Variants in RHOU observed in about 807,000 individuals in gnomAD.
RHOU encodes the protein rho-related GTP-binding protein RhoU.
RHOU carries 8 observed loss-of-function variants against 12.6 expected under a neutral mutation model. The observed-to-expected ratio is 0.64, with a 90% CI of 0.37 to 1.15. The LOEUF (loss-of-function observed/expected upper bound fraction) is 1.15. Ranked by LOEUF, RHOU falls within the 50% of genes most tolerant of loss-of-function variation. RHOU has a pLI of 0.01. For synonymous variants in RHOU, 161 were observed against 147.4 expected (o/e 1.09, Z -0.67); for missense variants, 258 against 347.0 (o/e 0.74, Z 2.04).
At chr1:228,656,279 G>C in the RHOU span, among the ~76,000 whole-genome samples, 1 of 152,040 alleles carries the variant, frequency 6.6e-6, no homozygotes, top group African/African-American at 2.4e-5. Context: ...ACAGCCTCCT[G>C]AGTAGCCGGG....
chr1:228,698,055 T>C, the RHOU span, among the ~76,000 whole-genome samples: 2 of 152,238 alleles, frequency 1.3e-5, no homozygotes, highest in South Asian at 4.1e-4. Flanking sequence ...TGGTAGAACA[T>C]GCATAACATA....
At chr1:228,654,957 A>T in the RHOU span, among the ~76,000 whole-genome samples, 2 of 152,212 alleles carry the variant, frequency 1.3e-5, no homozygotes. Flanking sequence ...ACCCAAATAC[A>T]CAAAATAAAA....
chr1:228,678,905 T>C, the RHOU span, among the ~76,000 whole-genome samples: 1 of 152,110 alleles, frequency 6.6e-6, no homozygotes, highest in African/African-American at 2.4e-5. Flanking sequence ...AGGGCTAGGC[T>C]AAAACAGTAA....
the RHOU span, among the ~76,000 whole-genome samples, chr1:228,647,573 C>A: frequency 6.6e-6 from 1 of 152,220 alleles, no homozygotes; most frequent in Non-Finnish European, 1.5e-5. Context: ...CCTGCCCGCC[C>A]CTTCCCCCGG....
At chr1:228,662,482 C>T in the RHOU span, among the ~76,000 whole-genome samples, 1 of 152,118 alleles carries the variant, frequency 6.6e-6, no homozygotes, top group African/African-American at 2.4e-5. Flanking sequence ...ACATATACAC[C>T]ATGGAATACT....
At chr1:228,698,424 A>G in the RHOU span, among the ~76,000 whole-genome samples, 1 of 152,240 alleles carries the variant, frequency 6.6e-6, no homozygotes, top group Admixed American at 6.5e-5. Flanking sequence ...TCTATGTGTA[A>G]CCAGAAGTGT....
the RHOU span, chr1:228,650,974 C>G: frequency 2.9e-6 from 1 of 343,262 alleles, no homozygotes; most frequent in South Asian, 2.8e-5. Context: ...ACTTCATTGA[C>G]TGTGTCAGAG....
At chr1:228,717,865 A>AAT in the RHOU span, among the ~76,000 whole-genome samples, 1 of 152,176 alleles carries the variant, frequency 6.6e-6, no homozygotes, top group African/African-American at 2.4e-5. Context: ...TTAATTCAAG[A>AAT]TCAGAAGAAC....
chr1:228,699,543 A>G, the RHOU span, among the ~76,000 whole-genome samples: 1 of 150,672 alleles, frequency 6.6e-6, no homozygotes, highest in South Asian at 2.1e-4. Flanking sequence ...TTAGAAGCAT[A>G]GGCCTTCAAG....
the RHOU span, among the ~76,000 whole-genome samples, chr1:228,673,059 A>G: frequency 1.3e-5 from 2 of 152,206 alleles, no homozygotes; most frequent in African/African-American, 4.8e-5. Context: ...AAAAATTCAT[A>G]TTGAAATATA....
rs866894773 is a variant in RHOU at position 228,735,714 on chromosome 1, C to T, written c.-29C>T. The stretch of plus-strand genomic sequence containing the variant: ...GCGGTCGGGCCGGGCCCTGCTAGCC[C>T]GCGACCGCAAGCCCGCGCTCGCGGA... On this transcript the variant is annotated 5_prime_UTR_variant, in exon 1 of 3. Coordinates refer to ENST00000366691, the MANE Select transcript of RHOU (RefSeq NM_021205.6). This position sits in a 1 kb window ranked among gnomAD's most constrained non-coding sequence, Gnocchi z 8.1. 2 of 1,199,384 alleles carry T rather than the reference C, an allele frequency of 1.7e-6. No homozygotes were observed. The highest frequency in any genetic ancestry group is 2.1e-6 in the Non-Finnish European group (2 of 967,444). 74.3% of individuals were successfully genotyped at this position (1,199,384 alleles called of 1,614,324 possible).
chr1:228,650,798 C>T, the RHOU span: 1 of 426,912 alleles, frequency 2.3e-6, no homozygotes. Context: ...AGGTGCCTAC[C>T]ATGCATCCAA....
the RHOU span, among the ~76,000 whole-genome samples, chr1:228,698,754 A>G: frequency 1.3e-5 from 2 of 152,346 alleles, no homozygotes; most frequent in Admixed American, 6.5e-5. Flanking sequence ...TGAAGTAATG[A>G]AAGTACCATT....
chr1:228,647,362 G>A, the RHOU span, among the ~76,000 whole-genome samples: 1 of 152,208 alleles, frequency 6.6e-6, no homozygotes, highest in South Asian at 2.1e-4. Context: ...GGCGGGAGCC[G>A]TGGTACCGGG....
In RHOU at chr1:228,738,310, G is replaced by A. The variant is rs1303609439; in HGVS notation, c.321+579G>A. 6.6e-6 allele frequency among the ~76,000 whole-genome samples: 1 copy of A among 152,188 alleles called. No individual in the cohort carries two copies. The highest frequency in any genetic ancestry group is 2.1e-4 in the South Asian group (1 of 4,834). ...GGCTTATTCTATCCAAACTGTGAAC[G>A]CTGGTTCTTGTCTCGAGGGCTGGGC... On this transcript the variant is annotated intron_variant, in intron 2 of 2. Coordinates refer to ENST00000366691, the MANE Select transcript of RHOU (RefSeq NM_021205.6). The surrounding 1 kb of genome is among the most constrained non-coding windows in gnomAD (Gnocchi z 4.2).
At chr1:228,664,589 C>A in the RHOU span, among the ~76,000 whole-genome samples, 2 of 152,040 alleles carry the variant, frequency 1.3e-5, no homozygotes, top group African/African-American at 2.4e-5. Flanking sequence ...GCAGCATTAC[C>A]CCACAGAGCC....
the RHOU span, among the ~76,000 whole-genome samples, chr1:228,682,596 A>AG: frequency 2.9e-4 from 44 of 152,240 alleles, no homozygotes; most frequent in African/African-American, 9.9e-4. Flanking sequence ...AATCTTCTCA[A>AG]GGGTGGGGGA....
chr1:228,737,543 A>T lies in RHOU; in HGVS notation c.263-130A>T. 1.1e-6 allele frequency: 1 copy of T among 887,492 alleles called. No homozygotes were observed. The highest frequency in any genetic ancestry group is 1.8e-6 in the Non-Finnish European group (1 of 549,700). The allele number at this position is 887,492 out of a possible 1,614,324, so 55.0% of individuals were successfully genotyped here. The stretch of plus-strand genomic sequence containing the variant: ...GCCTCCTTGTTTTTGGCTAGTCTTT[A>T]ATTCATTAGAGGACCTAAAATAGGA... On this transcript the variant is annotated intron_variant, in intron 1 of 2. Coordinates refer to ENST00000366691, the MANE Select transcript of RHOU (RefSeq NM_021205.6). This position sits in a 1 kb window ranked among gnomAD's most constrained non-coding sequence, Gnocchi z 4.1.
Position 228,743,366 on chromosome 1 carries a change from TC to T in RHOU, c.405del (p.Phe136SerfsTer23). On this transcript the variant is annotated frameshift_variant, in exon 3 of 3. Transcript: ENST00000366691. LOFTEE classifies it high-confidence loss of function. The surrounding 1 kb of genome is among the most constrained non-coding windows in gnomAD (Gnocchi z 5.1). ...CTGCTTCAGTGTCGTGAGCCCCTCA[TC>T]CTTCCAGAACGTCAGTGAGAAATGG... Reference protein sequence around the residue: ...LLCFSVVSPSSFQNVSEKWVP... With the variant: ...LLCFSVVSPSXFQNVSEKWVP... 6.2e-7 allele frequency: 1 copy of T among 1,614,168 alleles called. No individual in the cohort carries two copies.
Sources: gnomAD v4.1 joint callset for allele counts (sites outside exome capture counted in the v4.1 genomes callset) on GRCh38, gnomAD v4.1.1 for gene constraint, Gnocchi (gnomAD v3.1) non-coding constraint, MANE v1.5 for transcripts, NCBI Gene and HGNC (gene_info 2026-07-23, HGNC 2026-07-21) for gene names.